Variants in TACR3 observed in about 807,000 individuals in gnomAD.
TACR3 encodes neuromedin-K receptor.
TACR3 carries 34 observed loss-of-function variants against 35.0 expected under a neutral mutation model. The observed-to-expected ratio is 0.97, with a 90% CI of 0.74 to 1.30. TACR3 has a LOEUF of 1.30. Ranked by LOEUF, TACR3 falls within the 50% of genes most tolerant of loss-of-function variation. The pLI is 0.00. For synonymous variants in TACR3, 233 were observed against 221.1 expected, an observed-to-expected ratio of 1.05 and a Z score of -0.48; for missense variants, 558 against 591.7, an observed-to-expected ratio of 0.94 and a Z score of 0.59.
chr4:103,673,312 A>G (rs1371041425), intron 1 of TACR3, among the ~76,000 whole-genome samples: 1 of 152,180 alleles, frequency 6.6e-6, no homozygotes, highest in Non-Finnish European at 1.5e-5. Flanking sequence ...ACTAAGCTTA[A>G]TCATTTCTAG....
intron 3 of TACR3, among the ~76,000 whole-genome samples, chr4:103,633,672 A>G (rs751065276): frequency 3.9e-5 from 6 of 152,080 alleles, no homozygotes; most frequent in Admixed American, 2.6e-4. Context: ...TTGGTTTTCC[A>G]TTCCTGAATT....
At chr4:103,698,738 G>T (rs1435838144) in intron 1 of TACR3, among the ~76,000 whole-genome samples, 1 of 151,910 alleles carries the variant, frequency 6.6e-6, no homozygotes, top group African/African-American at 2.4e-5. Context: ...ACATAACAGT[G>T]TGACTATAGT....
chr4:103,659,835 A>G (rs1725802409), intron 1 of TACR3, among the ~76,000 whole-genome samples: 1 of 152,164 alleles, frequency 6.6e-6, no homozygotes, highest in Non-Finnish European at 1.5e-5. Context: ...TGAACTGGAG[A>G]TAGCATGGCT....
intron 1 of TACR3, among the ~76,000 whole-genome samples, chr4:103,705,017 ATTTTC>A (rs1020455808): frequency 6.6e-6 from 1 of 151,982 alleles, no homozygotes; most frequent in Admixed American, 6.6e-5. Flanking sequence ...TTGTTAGATC[ATTTTC>A]TTTTCTTGGG....
At chr4:103,639,872 T>G (rs1725312495) in intron 3 of TACR3, among the ~76,000 whole-genome samples, 1 of 152,000 alleles carries the variant, frequency 6.6e-6, no homozygotes, top group Non-Finnish European at 1.5e-5. Context: ...CTAATGTATC[T>G]AAACAACCTA....
At position 103,688,091 on chromosome 4, in the gene TACR3, C is replaced by T. The variant is rs535528603; in HGVS notation, c.549-29688G>A. Among the ~76,000 whole-genome samples, 4 of 152,238 alleles carry T rather than the reference C, an allele frequency of 2.6e-5. No homozygotes were observed. In the South Asian group the frequency reaches 6.2e-4, roughly 24 times the overall value. On this transcript the variant is annotated intron_variant, in intron 1 of 4. Coordinates refer to ENST00000304883, the MANE Select transcript of TACR3 (RefSeq NM_001059.3). Reference sequence around the variant, plus strand: ...CAGAACAGAGCCCTCAGAAATAATGCCGCATATCTACAAATATCTGATCTT... The same window carrying T: ...CAGAACAGAGCCCTCAGAAATAATGTCGCATATCTACAAATATCTGATCTT...
intron 3 of TACR3, among the ~76,000 whole-genome samples, chr4:103,631,845 GT>G (rs1725074060): frequency 6.6e-6 from 1 of 152,142 alleles, no homozygotes; most frequent in Non-Finnish European, 1.5e-5. Context: ...CTCTTGATCA[GT>G]GTTCTTTAAT....
chr4:103,635,862 A>C (rs1725176565), intron 3 of TACR3, among the ~76,000 whole-genome samples: 1 of 151,988 alleles, frequency 6.6e-6, no homozygotes, highest in Non-Finnish European at 1.5e-5. Flanking sequence ...CCAGTCTAGC[A>C]ACCAGCAGTC....
chr4:103,663,983 T>A (rs1725886939), intron 1 of TACR3, among the ~76,000 whole-genome samples: 1 of 152,212 alleles, frequency 6.6e-6, no homozygotes, highest in Non-Finnish European at 1.5e-5. Context: ...TCATCACCAT[T>A]CTTCCTTCAC....
intron 3 of TACR3, among the ~76,000 whole-genome samples, chr4:103,631,164 T>C (rs1725052745): frequency 6.6e-6 from 1 of 151,804 alleles, no homozygotes; most frequent in Non-Finnish European, 1.5e-5. Context: ...ACATCACACA[T>C]GGGGGCCTGT....
chr4:103,683,201 C>A (rs1297425244), intron 1 of TACR3, among the ~76,000 whole-genome samples: 2 of 151,768 alleles, frequency 1.3e-5, no homozygotes, highest in Admixed American at 1.3e-4. Context: ...TGGGATTCAA[C>A]TAAAACAGTA....
intron 1 of TACR3, among the ~76,000 whole-genome samples, chr4:103,710,644 A>G (rs1316735718): frequency 6.6e-6 from 1 of 152,212 alleles, no homozygotes; most frequent in African/African-American, 2.4e-5. Flanking sequence ...CTAAGATCAG[A>G]GCAGAACTGA....
rs1024831159 is a variant in TACR3, at chr4:103,601,104, T to A, written c.889-9421A>T. Among the ~76,000 whole-genome samples the A allele has an allele frequency of 1.1e-4, 16 of 152,284 alleles. No homozygotes were observed. In the South Asian group the frequency reaches 1.5e-3, roughly 14 times the overall value. ...TTGTGTGGAGTCTAAGTCTCTTTGTTGGTCGCTAAGGACTTGCTTTATGAA... is the reference window on the plus strand; with the variant it reads ...TTGTGTGGAGTCTAAGTCTCTTTGTAGGTCGCTAAGGACTTGCTTTATGAA... On this transcript the variant is annotated intron_variant, in intron 3 of 4. Coordinates refer to ENST00000304883, the MANE Select transcript of TACR3 (RefSeq NM_001059.3).
At chr4:103,612,312 G>A (rs1001708346) in intron 3 of TACR3, among the ~76,000 whole-genome samples, 1 of 151,966 alleles carries the variant, frequency 6.6e-6, no homozygotes, top group Admixed American at 6.6e-5. Context: ...TGCTTTATTT[G>A]TTCTTATTGA....
chr4:103,710,208 T>C (rs1480678044), intron 1 of TACR3, among the ~76,000 whole-genome samples: 1 of 152,194 alleles, frequency 6.6e-6, no homozygotes, highest in Admixed American at 6.5e-5. Context: ...ATATACATTC[T>C]TCTCAGCACC....
intron 1 of TACR3, among the ~76,000 whole-genome samples, chr4:103,665,887 A>G (rs540163991): frequency 6.6e-6 from 1 of 152,350 alleles, no homozygotes; most frequent in East Asian, 1.9e-4. Context: ...AAAGCATTTC[A>G]GATTTCAAAA....
At chr4:103,706,947 A>T (rs923254141) in intron 1 of TACR3, among the ~76,000 whole-genome samples, 4 of 152,182 alleles carry the variant, frequency 2.6e-5, no homozygotes, top group Admixed American at 2.0e-4. Flanking sequence ...AGTAGAAAAT[A>T]TGCTTTATCC....
At chr4:103,703,567 A>G (rs1365445747) in intron 1 of TACR3, among the ~76,000 whole-genome samples, 1 of 152,188 alleles carries the variant, frequency 6.6e-6, no homozygotes, top group Non-Finnish European at 1.5e-5. Context: ...CTAGAATTAG[A>G]TTAAGAATCT....
At chr4:103,658,532 G>A in intron 1 of TACR3, 129 bp from the exon 2 acceptor site, 1 of 821,694 alleles carries the variant, frequency 1.2e-6, no homozygotes, top group Non-Finnish European at 2.0e-6. Context: ...CAGTTGATAA[G>A]GACTGCTTGA....
Sources: allele counts gnomAD v4.1 joint callset (sites outside exome capture counted in the v4.1 genomes callset), GRCh38; gene constraint gnomAD v4.1.1; transcripts MANE v1.5; gene names NCBI Gene and HGNC (gene_info 2026-07-23, HGNC 2026-07-21).